PARD3: variants seen among roughly 807,000 people sequenced by gnomAD.
PARD3 encodes par-3 family cell polarity regulator.
Under a neutral mutation model 155.4 loss-of-function variants are expected in PARD3, and 75 were observed. The ratio of observed to expected loss-of-function variants is 0.48; its 90% CI spans 0.40 to 0.58. The LOEUF is 0.58. Among genes scored for constraint, PARD3 ranks in the 20% least tolerant of loss-of-function variants. The pLI, the probability that PARD3 is intolerant of heterozygous loss-of-function variation, is 0.00. For missense variants in PARD3, 1,642 were observed against 1,721.7 expected, an observed-to-expected ratio of 0.95 and a Z score of 0.82; for synonymous variants, 576 against 610.5, an observed-to-expected ratio of 0.94 and a Z score of 0.83.
chr10:34,298,651 T>C (rs2799449), intron 20 of PARD3, among the ~76,000 whole-genome samples: 23,475 of 152,158 alleles, frequency 0.15, 4,454 homozygotes, highest in African/African-American at 0.45. Context: ...AAAGGCGTTC[T>C]AGAAACTAAT....
At chr10:34,438,454 T>A (rs1396721981) in intron 5 of PARD3, among the ~76,000 whole-genome samples, 1 of 152,204 alleles carries the variant, frequency 6.6e-6, no homozygotes, top group Non-Finnish European at 1.5e-5. Flanking sequence ...TTTATTTACC[T>A]ATAATCTACA....
At chr10:34,804,460 T>C (rs918606072) in intron 1 of PARD3, among the ~76,000 whole-genome samples, 2 of 152,234 alleles carry the variant, frequency 1.3e-5, no homozygotes, top group Non-Finnish European at 2.9e-5. Context: ...TTGTAGTACA[T>C]CAGGAACCAA....
intron 3 of PARD3, among the ~76,000 whole-genome samples, chr10:34,500,916 G>A (rs2080655358): frequency 6.6e-6 from 1 of 152,074 alleles, no homozygotes; most frequent in South Asian, 2.1e-4. Flanking sequence ...TTCACAACCT[G>A]TACATAATTT....
chr10:34,714,774 A>AT (rs1396752579), intron 1 of PARD3, among the ~76,000 whole-genome samples: 3 of 109,274 alleles, frequency 2.7e-5, no homozygotes, highest in Non-Finnish European at 6.3e-5. Context: ...CACACATCAA[A>AT]ATTTTTTTTT....
chr10:34,295,829 T>G (rs1956883079), intron 20 of PARD3, among the ~76,000 whole-genome samples: 1 of 152,216 alleles, frequency 6.6e-6, no homozygotes, highest in South Asian at 2.1e-4. Flanking sequence ...CAGGCATAAT[T>G]AAGTTAAGGG....
At chr10:34,181,488 G>A (rs983172676) in intron 22 of PARD3, among the ~76,000 whole-genome samples, 9 of 143,560 alleles carry the variant, frequency 6.3e-5, no homozygotes, top group Non-Finnish European at 1.3e-4. Flanking sequence ...ATAAAGTGCT[G>A]TAGAAGAAAT....
intron 5 of PARD3, among the ~76,000 whole-genome samples, chr10:34,405,280 C>G (rs1275856170): frequency 6.6e-6 from 1 of 151,930 alleles, no homozygotes; most frequent in Admixed American, 6.6e-5. Context: ...AAACAAACCT[C>G]GATAAATCTT....
rs145778680 is a variant in PARD3, at chr10:34,217,173, G to A, written c.3419+52484C>T. ...GCCTGCCTTAGACATCAACATCTCGGTGGGAGGATGTCCACCTCACTGCTT... is the reference window on the plus strand; with the variant it reads ...GCCTGCCTTAGACATCAACATCTCGATGGGAGGATGTCCACCTCACTGCTT... On this transcript the variant is annotated intron_variant, in intron 22 of 24. Coordinates refer to ENST00000374788, the MANE Select transcript of PARD3 (RefSeq NM_001184785.2). Among the ~76,000 whole-genome samples, 501 of 152,090 alleles carry A rather than the reference G, an allele frequency of 3.3e-3. 3 individuals carry two copies. The highest frequency in any genetic ancestry group is 6.8e-3 in the Middle Eastern group (2 of 294).
At chr10:34,499,113 G>A (rs1253082405) in intron 3 of PARD3, among the ~76,000 whole-genome samples, 1 of 151,988 alleles carries the variant, frequency 6.6e-6, no homozygotes, top group Non-Finnish European at 1.5e-5. Flanking sequence ...AATTTGTTTA[G>A]CTCAAGATTT....
chr10:34,782,428 A>T (rs535869250), intron 1 of PARD3, among the ~76,000 whole-genome samples: 1 of 152,298 alleles, frequency 6.6e-6, no homozygotes, highest in Admixed American at 6.5e-5. Context: ...CACATCAAAC[A>T]ACCTCCAGTG....
At chr10:34,560,602 T>C (rs1225678276) in intron 2 of PARD3, among the ~76,000 whole-genome samples, 2 of 152,232 alleles carry the variant, frequency 1.3e-5, no homozygotes, top group African/African-American at 4.8e-5. Context: ...AACAACAATT[T>C]CTACATTTGA....
chr10:34,465,753 C>T (rs990955786), intron 4 of PARD3, among the ~76,000 whole-genome samples: 2 of 152,062 alleles, frequency 1.3e-5, no homozygotes, highest in Non-Finnish European at 2.9e-5. Flanking sequence ...AACAATGCCA[C>T]TCATTATTTA....
intron 2 of PARD3, among the ~76,000 whole-genome samples, chr10:34,649,343 G>C (rs903418153): frequency 2.6e-5 from 4 of 152,240 alleles, no homozygotes; most frequent in African/African-American, 4.8e-5. Flanking sequence ...CATCAGGCTA[G>C]AGTGCACTTA....
chr10:34,691,767 G>C (rs1276825440), intron 2 of PARD3, among the ~76,000 whole-genome samples: 1 of 150,270 alleles, frequency 6.7e-6, no homozygotes, highest in African/African-American at 2.5e-5. Flanking sequence ...GAACAGAAGA[G>C]AGAGCCCAGA....
At chr10:34,315,064 C>T (rs1957927832) in intron 20 of PARD3, among the ~76,000 whole-genome samples, 2 of 152,146 alleles carry the variant, frequency 1.3e-5, no homozygotes, top group Admixed American at 1.3e-4. Flanking sequence ...AACCTTCAGC[C>T]CCTGCACCTG....
chr10:34,625,932 T>C (rs889338560), intron 2 of PARD3, among the ~76,000 whole-genome samples: 2 of 152,084 alleles, frequency 1.3e-5, no homozygotes, highest in African/African-American at 2.4e-5. Flanking sequence ...CAAAAACAAG[T>C]CAACTTCACC....
At chr10:34,347,225 T>C (rs1837523892) in intron 15 of PARD3, among the ~76,000 whole-genome samples, 1 of 152,256 alleles carries the variant, frequency 6.6e-6, no homozygotes, top group Non-Finnish European at 1.5e-5. Context: ...GTTTTAAATT[T>C]GAAAACTCTC....
At chr10:34,323,749 C>T (rs1320168932) in intron 19 of PARD3, among the ~76,000 whole-genome samples, 1 of 152,198 alleles carries the variant, frequency 6.6e-6, no homozygotes, top group African/African-American at 2.4e-5. Context: ...TAGAATGTCA[C>T]CTCCATTATC....
chr10:34,456,725 T>C (rs2077361145), intron 4 of PARD3, among the ~76,000 whole-genome samples: 20 of 152,228 alleles, frequency 1.3e-4, no homozygotes. Context: ...CTAACATATA[T>C]ATCAAATTTT....
Sources: allele counts gnomAD v4.1 joint callset (sites outside exome capture counted in the v4.1 genomes callset), GRCh38; gene constraint gnomAD v4.1.1; transcripts MANE v1.5; gene names NCBI Gene and HGNC (gene_info 2026-07-23, HGNC 2026-07-21).